The following KALRN variants were observed in gnomAD, a reference collection of about 807,000 sequenced individuals.
KALRN encodes kalirin.
KALRN carries 70 observed loss-of-function variants against 353.7 expected under a neutral mutation model. That is an observed-to-expected ratio of 0.20 (90% CI 0.16 to 0.24). The LOEUF (loss-of-function observed/expected upper bound fraction) is 0.24. Ranked by LOEUF, KALRN falls within the 10% of genes least tolerant of loss-of-function variation. KALRN has a pLI of 1.00. For synonymous variants in KALRN, 1,391 were observed against 1,434.8 expected, an observed-to-expected ratio of 0.97 and a Z score of 0.69; for missense variants, 2,791 against 3,756.7, an observed-to-expected ratio of 0.74 and a Z score of 6.72.
chr3:124,445,238 G>A (rs1015491529), intron 19 of KALRN, among the ~76,000 whole-genome samples: 1 of 152,198 alleles, frequency 6.6e-6, no homozygotes, highest in African/African-American at 2.4e-5. Flanking sequence ...TTATAAAAAT[G>A]AGTGTCTTCC....
At position 124,692,939 on chromosome 3, in the gene KALRN, ATCT is replaced by A. The variant is rs2061888217; in HGVS notation, c.7378-864_7378-862del. 2.6e-5 allele frequency among the ~76,000 whole-genome samples: 4 copies of A among 152,220 alleles called. No homozygotes were observed. The South Asian group carries it at 8.3e-4, about 31-fold the overall frequency. ...ACAAAAGATGGGGGGAAAAGTGACC[ATCT>A]CCTCAAGAAGATGTAGCTTTCCAGA... On this transcript the variant is annotated intron_variant, in intron 51 of 59. Coordinates refer to ENST00000682506, the MANE Select transcript of KALRN (RefSeq NM_001388419.1).
Position 124,413,534 on chromosome 3 carries a change from A to G in KALRN, c.2411A>G (p.Glu804Gly). 2 of 1,614,166 alleles carry G rather than the reference A, an allele frequency of 1.2e-6. No individual in the cohort carries two copies. The highest frequency in any genetic ancestry group is 1.7e-6 in the Non-Finnish European group (2 of 1,180,022). Residue 804 changes from glutamate to glycine, a missense_variant, in exon 14 of 60, where the codon GAG becomes GGG. Around this residue, in one of 11 missense-constraint regions of KALRN, gnomAD observed 452 missense variants for 575.8 expected, o/e 0.78. Coordinates refer to ENST00000682506, the MANE Select transcript of KALRN (RefSeq NM_001388419.1). The part of the protein sequence containing the change: ...LLRQMNDFNT[E>G]DLTLAEQRLQ... ...CGGCAGATGAATGACTTCAACACAG[A>G]GGACCTAACCCTGGCAGAACAGCGG...
rs542521720 is a variant in KALRN, at chr3:124,053,829, C to T, written c.73+20016C>T. Among the ~76,000 whole-genome samples the T allele has an allele frequency of 3.9e-5, 6 of 152,360 alleles. No homozygotes were observed. In the East Asian group the frequency reaches 1.2e-3, roughly 29 times the overall value. On this transcript the variant is annotated intron_variant, in intron 1 of 59. Coordinates refer to ENST00000682506, the MANE Select transcript of KALRN (RefSeq NM_001388419.1). Reference sequence around the variant, plus strand: ...CATTTTTCAGCATTAAAATTCCCATCACCTAGCAGAAGTGTTCCCTTTAAG... The same window carrying T: ...CATTTTTCAGCATTAAAATTCCCATTACCTAGCAGAAGTGTTCCCTTTAAG...
chr3:124,448,496 T>C (rs571306678), intron 21 of KALRN, among the ~76,000 whole-genome samples: 1 of 152,362 alleles, frequency 6.6e-6, no homozygotes, highest in South Asian at 2.1e-4. Context: ...GCTGAATGGA[T>C]GTATTCTCTG....
intron 10 of KALRN, among the ~76,000 whole-genome samples, chr3:124,366,793 G>A (rs1576324595): frequency 6.6e-6 from 1 of 151,386 alleles, no homozygotes; most frequent in African/African-American, 2.4e-5. Context: ...GGGCAGAGGC[G>A]CCCCTCACCT....
intron 1 of KALRN, among the ~76,000 whole-genome samples, chr3:124,191,557 C>T (rs2074920819): frequency 6.6e-6 from 1 of 152,164 alleles, no homozygotes; most frequent in Non-Finnish European, 1.5e-5. Flanking sequence ...CTTTTTCTCC[C>T]CCTACATTGT....
intron 49 of KALRN, among the ~76,000 whole-genome samples, chr3:124,676,459 C>T (rs1163977621): frequency 1.3e-5 from 2 of 152,138 alleles, no homozygotes; most frequent in Non-Finnish European, 2.9e-5. Flanking sequence ...CCACATCAGT[C>T]CCTGGGCTTG....
chr3:124,634,567 G>A (rs1406717536), intron 36 of KALRN, among the ~76,000 whole-genome samples: 1 of 152,170 alleles, frequency 6.6e-6, no homozygotes, highest in Non-Finnish European at 1.5e-5. Context: ...CCAGTCACCC[G>A]GTGATCATCC....
chr3:124,098,138 C>T (rs1459036397), intron 1 of KALRN, among the ~76,000 whole-genome samples: 2 of 152,224 alleles, frequency 1.3e-5, no homozygotes, highest in Non-Finnish European at 2.9e-5. Context: ...TGAAAGACTG[C>T]TGCTCTTTAT....
intron 34 of KALRN, among the ~76,000 whole-genome samples, chr3:124,579,846 CAT>C (rs745555844): frequency 6.6e-6 from 1 of 152,280 alleles, no homozygotes; most frequent in East Asian, 1.9e-4. Flanking sequence ...AAACTCGAGT[CAT>C]GTGCTAAATC....
rs536846556 is a variant in KALRN, at chr3:124,682,497, C to T, written c.7377+2980C>T. On this transcript the variant is annotated intron_variant, in intron 51 of 59. Transcript: ENST00000682506. ...TCCTGCCCTGACTGACTCCCTTTAA[C>T]CTGAGGCCAGCCTGTTGATCCCAGC... Among the ~76,000 whole-genome samples, 27 of 152,336 alleles carry T rather than the reference C, an allele frequency of 1.8e-4. No individual in the cohort carries two copies. In the South Asian group the frequency reaches 5.4e-3, roughly 30 times the overall value.
At chr3:124,607,952 C>G (rs2077525251) in intron 34 of KALRN, among the ~76,000 whole-genome samples, 1 of 151,826 alleles carries the variant, frequency 6.6e-6, no homozygotes, top group Non-Finnish European at 1.5e-5. Context: ...TTTTTTTCCA[C>G]TGAATGTTAT....
chr3:124,376,550 G>C (rs1422651112), intron 10 of KALRN, among the ~76,000 whole-genome samples: 2 of 152,138 alleles, frequency 1.3e-5, no homozygotes, highest in Non-Finnish European at 2.9e-5. Flanking sequence ...GGAGTTCTAG[G>C]ATGAAAACTG....
intron 56 of KALRN, among the ~76,000 whole-genome samples, chr3:124,701,284 A>T (rs1489146082): frequency 6.6e-6 from 1 of 152,336 alleles, no homozygotes; most frequent in South Asian, 2.1e-4. Flanking sequence ...CTACTCAGGC[A>T]TATATTGTGG....
intron 1 of KALRN, among the ~76,000 whole-genome samples, chr3:124,221,827 A>G (rs553701434): frequency 2.0e-5 from 3 of 152,182 alleles, no homozygotes; most frequent in Admixed American, 6.5e-5. Context: ...GCTTCCTGGT[A>G]TTGGGGGAAA....
At chr3:124,650,966 T>C (rs1559770002) in intron 38 of KALRN, 28 bp downstream of exon 38, 3 of 1,612,730 alleles carry the variant, frequency 1.9e-6, no homozygotes, top group Admixed American at 3.3e-5. Flanking sequence ...TTCCTCCCTG[T>C]GGTGCACATG....
chr3:124,690,296 C>T (rs892230746), intron 51 of KALRN, among the ~76,000 whole-genome samples: 2 of 152,106 alleles, frequency 1.3e-5, no homozygotes, highest in African/African-American at 2.4e-5. Context: ...ACAAATATAT[C>T]GGTAATTAGT....
chr3:124,409,108 G>A (rs1576675486), intron 13 of KALRN, among the ~76,000 whole-genome samples: 1 of 152,254 alleles, frequency 6.6e-6, no homozygotes, highest in East Asian at 1.9e-4. Context: ...CAATGTATCT[G>A]TCAAAAAAGT....
intron 37 of KALRN, among the ~76,000 whole-genome samples, chr3:124,639,532 T>C (rs747388104): frequency 1.3e-5 from 2 of 152,358 alleles, no homozygotes; most frequent in East Asian, 3.9e-4. Context: ...ATTACCTTTT[T>C]GCCCACTACT....
Sources: gnomAD v4.1 joint callset for allele counts (sites outside exome capture counted in the v4.1 genomes callset) on GRCh38, gnomAD v4.1.1 for gene constraint, gnomAD v4.1.1 regional missense constraint, MANE v1.5 for transcripts, NCBI Gene and HGNC (gene_info 2026-07-23, HGNC 2026-07-21) for gene names.